Variants in SAMSN1 observed in about 807,000 individuals in gnomAD.
SAMSN1 encodes the protein SAM domain, SH3 domain and nuclear localization signals 1, also known as SAM domain-containing protein SAMSN-1.
Under a neutral mutation model 42.0 loss-of-function variants are expected in SAMSN1, and 31 were observed. The observed-to-expected ratio is 0.74, with a 90% CI of 0.55 to 1.00. SAMSN1 has a LOEUF of 1.00. SAMSN1 is among the 50% of genes least tolerant of loss of function. The pLI is 0.00. For missense variants in SAMSN1, 464 were observed against 439.4 expected (o/e 1.06, Z -0.50); for synonymous variants, 178 against 151.9 (o/e 1.17, Z -1.26).
intron 6 of SAMSN1, among the ~76,000 whole-genome samples, chr21:14,597,730 G>T (rs527503446): frequency 5.9e-5 from 9 of 152,114 alleles, no homozygotes; most frequent in African/African-American, 2.2e-4. Flanking sequence ...CCCGGGTGCC[G>T]CTTCTCAAGG....
chr21:14,629,523 A>C (rs772640750), intron 2 of SAMSN1, among the ~76,000 whole-genome samples: 13 of 152,204 alleles, frequency 8.5e-5, no homozygotes, highest in Non-Finnish European at 1.8e-4. Flanking sequence ...TGGGAAAAGT[A>C]AGGCTTGCTT....
chr21:14,612,695 G>C (rs1459243913), intron 4 of SAMSN1: 3 of 652,556 alleles, frequency 4.6e-6, no homozygotes, highest in Non-Finnish European at 8.7e-6. Context: ...TGATTTCTTT[G>C]TCATAGCCAT....
chr21:14,503,950 G>C (rs1314800286), intron 5 of SAMSN1, among the ~76,000 whole-genome samples: 1 of 152,114 alleles, frequency 6.6e-6, no homozygotes, highest in African/African-American at 2.4e-5. Flanking sequence ...ACAACCCTTA[G>C]TACCAGCCTG....
At chr21:14,501,160 GTTAC>G (rs1202135331) in intron 5 of SAMSN1, among the ~76,000 whole-genome samples, 11 of 152,212 alleles carry the variant, frequency 7.2e-5, no homozygotes, top group African/African-American at 2.6e-4. Flanking sequence ...ATTCAAAGAA[GTTAC>G]TTACTAGTTA....
chr21:14,576,291 G>A (rs1981460739), intron 2 of SAMSN1, among the ~76,000 whole-genome samples: 1 of 152,110 alleles, frequency 6.6e-6, no homozygotes, highest in South Asian at 2.1e-4. Flanking sequence ...TCTGATAATG[G>A]TGTGTCATGT....
At chr21:14,616,073 C>G (rs1982829611) in intron 2 of SAMSN1, 1 of 506,452 alleles carries the variant, frequency 2.0e-6, no homozygotes, top group Admixed American at 3.3e-5. Flanking sequence ...TAAGACAAAA[C>G]TATATCAAGA....
intron 1 of SAMSN1, among the ~76,000 whole-genome samples, chr21:14,643,959 T>C (rs1457846614): frequency 6.6e-6 from 1 of 152,088 alleles, no homozygotes; most frequent in Non-Finnish European, 1.5e-5. Flanking sequence ...TGCCCAGCCA[T>C]AGAGGGAGCA....
chr21:14,627,733 A>G (rs1234489372), intron 2 of SAMSN1, among the ~76,000 whole-genome samples: 1 of 152,234 alleles, frequency 6.6e-6, no homozygotes, highest in Non-Finnish European at 1.5e-5. Flanking sequence ...ATTTTTAACA[A>G]ATATGAGGAT....
rs141635265 is a variant in SAMSN1, at chr21:14,489,448, A to G, written c.920-3334T>C. On this transcript the variant is annotated intron_variant, in intron 7 of 7. Transcript: ENST00000400566. ...GTTCAAATTTGTTAATTTTCCCTCT[A>G]TTTCTCAGGTCATCCACATTGTTTT... Among the ~76,000 whole-genome samples the G allele has an allele frequency of 2.9e-4, 44 of 152,290 alleles. No homozygotes were observed. In the East Asian group the frequency reaches 7.7e-3, roughly 27 times the overall value.
At position 14,618,144 on chromosome 21, in the gene SAMSN1, G is replaced by A. The variant is rs76010692; in HGVS notation, c.157-2128C>T. ...CTTTGTTCTGGTTTTACTGGAATTGGGGTCATCCAATTTTTCCTCATGATG... is the reference window on the plus strand; with the variant it reads ...CTTTGTTCTGGTTTTACTGGAATTGAGGTCATCCAATTTTTCCTCATGATG... On this transcript the variant is annotated intron_variant, in intron 2 of 15. Coordinates refer to the SAMSN1 transcript ENST00000647101. 2.9e-3 allele frequency among the ~76,000 whole-genome samples: 441 copies of A among 152,260 alleles called. 4 individuals are homozygous for A. The highest frequency in any genetic ancestry group is 9.9e-3 in the African/African-American group (410 of 41,546).
intron 4 of SAMSN1, chr21:14,612,374 A>G (rs2123325626): frequency 5.6e-6 from 1 of 177,598 alleles, no homozygotes; most frequent in Admixed American, 5.8e-5. Flanking sequence ...ATGAATAGAA[A>G]TCGATTTTTA....
intron 2 of SAMSN1, among the ~76,000 whole-genome samples, chr21:14,576,628 C>T (rs1981475251): frequency 6.6e-6 from 1 of 150,608 alleles, no homozygotes; most frequent in African/African-American, 2.5e-5. Context: ...GTTCCTCCAA[C>T]TGAAACAGTT....
At chr21:14,567,508 A>G (rs950580949) in intron 2 of SAMSN1, among the ~76,000 whole-genome samples, 1 of 152,156 alleles carries the variant, frequency 6.6e-6, no homozygotes, top group African/African-American at 2.4e-5. Flanking sequence ...AAAAGTCCCA[A>G]ATATTCTCTA....
At chr21:14,591,607 A>G (rs1191208454) in intron 7 of SAMSN1, 1 of 152,192 alleles carries the variant, frequency 6.6e-6, no homozygotes, top group Admixed American at 6.6e-5. Flanking sequence ...GAGAACTACA[A>G]ATAAAATTCA....
chr21:14,566,836 C>G (rs1981135386), intron 2 of SAMSN1, among the ~76,000 whole-genome samples: 1 of 152,118 alleles, frequency 6.6e-6, no homozygotes, highest in South Asian at 2.1e-4. Context: ...CTGCACCTGG[C>G]CTTTCTCATA....
chr21:14,572,693 G>A (rs749831562), intron 2 of SAMSN1, among the ~76,000 whole-genome samples: 36 of 152,070 alleles, frequency 2.4e-4, no homozygotes, highest in Non-Finnish European at 4.7e-4. Context: ...TTGAAGGCAG[G>A]GTCTCTAATT....
At chr21:14,591,047 A>G (rs183025417) in intron 7 of SAMSN1, among the ~76,000 whole-genome samples, 2 of 152,330 alleles carry the variant, frequency 1.3e-5, no homozygotes, top group East Asian at 1.9e-4. Context: ...AAGACAATTT[A>G]AGATAATTTA....
chr21:14,658,315 T>C (rs1983947792), intron 1 of SAMSN1, among the ~76,000 whole-genome samples: 1 of 151,856 alleles, frequency 6.6e-6, no homozygotes, highest in African/African-American at 2.4e-5. Context: ...TCCATGGAAG[T>C]TTAACCAAGC....
chr21:14,515,711 A>T (rs1301535165), intron 3 of SAMSN1, among the ~76,000 whole-genome samples: 2 of 152,226 alleles, frequency 1.3e-5, no homozygotes, highest in Non-Finnish European at 2.9e-5. Context: ...AATCCACAGA[A>T]TTGGAGAAAA....
Sources: gnomAD v4.1 joint callset for allele counts (sites outside exome capture counted in the v4.1 genomes callset) on GRCh38, gnomAD v4.1.1 for gene constraint, MANE v1.5 for transcripts, NCBI Gene and HGNC (gene_info 2026-07-23, HGNC 2026-07-21) for gene names.